The following GDAP1 variants were observed in gnomAD, a reference collection of about 807,000 sequenced individuals.
GDAP1 encodes the protein ganglioside-induced differentiation-associated protein 1.
Under a neutral mutation model 40.1 loss-of-function variants are expected in GDAP1, and 34 were observed. That is an observed-to-expected ratio of 0.85 (90% CI 0.64 to 1.13). GDAP1 has a LOEUF of 1.13. Ranked by LOEUF, GDAP1 falls within the 50% of genes most tolerant of loss-of-function variation. The pLI is 0.00. For synonymous variants in GDAP1, 170 were observed against 157.4 expected, an observed-to-expected ratio of 1.08 and a Z score of -0.60; for missense variants, 374 against 433.7, an observed-to-expected ratio of 0.86 and a Z score of 1.22.
rs187507178 is a variant in GDAP1 at position 74,430,383 on chromosome 8, T to C, written c.166-58295T>C. The stretch of plus-strand genomic sequence containing the variant: ...GGAGTAGCATAAGACTAGAACCAAC[T>C]CCAAATTCCCAGAGTAAGAAGCTAG... On this transcript the variant is annotated intron_variant, in intron 2 of 2. Transcript: ENST00000523640. Among the ~76,000 whole-genome samples the C allele has an allele frequency of 6.0e-4, 91 of 152,278 alleles. 1 individual carries two copies. The highest frequency in any genetic ancestry group is 1.7e-3 in the Admixed American group (26 of 15,300).
chr8:74,487,005 TCTC>T (rs1349439257), intron 2 of GDAP1, among the ~76,000 whole-genome samples: 5 of 152,182 alleles, frequency 3.3e-5, no homozygotes, highest in Non-Finnish European at 7.4e-5. Flanking sequence ...ACAAGTTACT[TCTC>T]CTCTCCAAGC....
intron 2 of GDAP1, among the ~76,000 whole-genome samples, chr8:74,430,179 A>G (rs1287440979): frequency 2.6e-5 from 4 of 152,340 alleles, no homozygotes; most frequent in Non-Finnish European, 5.9e-5. Context: ...AAGTGTGACA[A>G]TGTACTTAGT....
At position 74,351,509 on chromosome 8, in the gene GDAP1, C is replaced by T. The variant is rs1214253384; in HGVS notation, c.310+43C>T. The T allele has an allele frequency of 9.2e-6, 12 of 1,305,368 alleles. No homozygotes were observed. In the South Asian group the frequency reaches 9.4e-5, roughly 10 times the overall value. The allele number at this position is 1,305,368 out of a possible 1,614,324, so 80.9% of individuals were successfully genotyped here. On this transcript the variant is annotated intron_variant, in intron 2 of 5. Transcript: ENST00000220822. ...TGCGATTTCTTGGATTTACTTTCAA[C>T]ACAACTATGTGTTCCCTTTCTCTTT... is the stretch of plus-strand genomic sequence containing the variant.
chr8:74,454,534 G>T lies in GDAP1; in HGVS notation c.166-34144G>T, dbSNP rs2131577444. Among the ~76,000 whole-genome samples, 2 of 83,586 alleles carry T rather than the reference G, an allele frequency of 2.4e-5. 1 individual carries two copies. The highest frequency in any genetic ancestry group is 4.9e-5 in the Non-Finnish European group (2 of 41,040). 54.8% of individuals were successfully genotyped at this position (83,586 alleles called of 152,430 possible). A position where few individuals can be genotyped will look rare whatever the true frequency, so the allele number is the denominator to read the frequency against. On this transcript the variant is annotated intron_variant, in intron 2 of 2. Coordinates refer to the GDAP1 transcript ENST00000523640. ...GCATATGAAACTGACCTCAACCAAT[G>T]GTTGAAAGATGGGGGACAGGCTACT...
intron 2 of GDAP1, among the ~76,000 whole-genome samples, chr8:74,379,148 G>GTACT (rs1563451983): frequency 2.8e-4 from 43 of 151,978 alleles, no homozygotes; most frequent in African/African-American, 1.0e-3. Flanking sequence ...TTCAGGGTCC[G>GTACT]ACTCAGGCTT....
intron 2 of GDAP1, among the ~76,000 whole-genome samples, chr8:74,354,071 T>C (rs527787167): frequency 1.2e-4 from 19 of 152,332 alleles, no homozygotes; most frequent in Admixed American, 5.2e-4. Flanking sequence ...GGAGCAAATA[T>C]AGCTAGAAGA....
At chr8:74,350,910 A>G (rs911769573) in intron 1 of GDAP1, among the ~76,000 whole-genome samples, 1 of 152,142 alleles carries the variant, frequency 6.6e-6, no homozygotes, top group Non-Finnish European at 1.5e-5. Context: ...ATAATCTGCG[A>G]TCTCTTCTTT....
intron 2 of GDAP1, among the ~76,000 whole-genome samples, chr8:74,410,448 AAT>A (rs1805695497): frequency 6.7e-6 from 1 of 150,216 alleles, no homozygotes; most frequent in South Asian, 2.1e-4. Flanking sequence ...CATAATTAAA[AAT>A]AGTTATTTAC....
intron 2 of GDAP1, among the ~76,000 whole-genome samples, chr8:74,421,772 T>C (rs1374983765): frequency 6.6e-6 from 1 of 152,202 alleles, no homozygotes; most frequent in Non-Finnish European, 1.5e-5. Context: ...TAGGTCTGGC[T>C]GTGAGATACG....
intron 2 of GDAP1, among the ~76,000 whole-genome samples, chr8:74,382,247 T>A (rs1809965461): frequency 6.6e-6 from 1 of 152,156 alleles, no homozygotes; most frequent in African/African-American, 2.4e-5. Flanking sequence ...CTTCCTTGAT[T>A]TCTGGTATGT....
intron 2 of GDAP1, among the ~76,000 whole-genome samples, chr8:74,448,207 A>G (rs2131575711): frequency 6.6e-6 from 1 of 152,110 alleles, no homozygotes; most frequent in African/African-American, 2.4e-5. Context: ...TGTCATATGG[A>G]TTTGTTTTTC....
rs573103747 is a variant in GDAP1, at chr8:74,366,623, T to C, written c.*2256T>C. 1.5e-5 allele frequency: 7 copies of C among 453,926 alleles called. No homozygotes were observed. The highest frequency in any genetic ancestry group is 1.2e-4 in the African/African-American group (6 of 50,128). The allele number at this position is 453,926 out of a possible 1,614,324, so 28.1% of individuals were successfully genotyped here. A position where few individuals can be genotyped will look rare whatever the true frequency, so the allele number is the denominator to read the frequency against. ...TAAATATCACAATTAGAAAAATGCC[T>C]GAGGTACTAAAGTTATGTTGGCTTT... On this transcript the variant is annotated 3_prime_UTR_variant, in exon 6 of 6. Coordinates refer to ENST00000220822, the MANE Select transcript of GDAP1 (RefSeq NM_018972.4).
In GDAP1 at chr8:74,478,687, G is replaced by T. The variant is rs115551653; in HGVS notation, c.166-9991G>T. Among the ~76,000 whole-genome samples, 962 of 152,268 alleles carry T rather than the reference G, an allele frequency of 6.3e-3. 6 individuals carry two copies. The highest frequency in any genetic ancestry group is 0.022 in the African/African-American group (918 of 41,558). ...CCTAGGGGAATGGGTGTCCCTGGCTGTGCTCCACTGTAGCCACTCCCACAC... is the reference window on the plus strand; with the variant it reads ...CCTAGGGGAATGGGTGTCCCTGGCTTTGCTCCACTGTAGCCACTCCCACAC... On this transcript the variant is annotated intron_variant, in intron 2 of 2. Transcript: ENST00000523640.
downstream of GDAP1, among the ~76,000 whole-genome samples, chr8:74,369,764 A>G (rs1191527309): frequency 6.6e-6 from 1 of 151,906 alleles, no homozygotes; most frequent in Non-Finnish European, 1.5e-5. Flanking sequence ...ACGTAGGCAT[A>G]TCATTGTCAG....
At chr8:74,376,387 T>A (rs1164765727) in intron 2 of GDAP1, among the ~76,000 whole-genome samples, 1 of 150,736 alleles carries the variant, frequency 6.6e-6, no homozygotes, top group Non-Finnish European at 1.5e-5. Flanking sequence ...CTCACTCTGT[T>A]GCCCAGGCTG....
Position 74,351,321 on chromosome 8 carries a change from T to C in GDAP1, c.165T>C (p.Asp55=), listed in dbSNP as rs138538469. Residue 55 remains aspartate (D), a synonymous_variant, in exon 2 of 6, where the codon GAT becomes GAC. Transcript: ENST00000220822. Reference sequence around the variant, plus strand: ...AGGCATTGAAGTGCGAGGAACATGATGTAAGTCTGCCCTTGAGTGAGCACA... The same window carrying C: ...AGGCATTGAAGTGCGAGGAACATGACGTAAGTCTGCCCTTGAGTGAGCACA... The part of the protein sequence containing the change: ...AEKALKCEEH[D]VSLPLSEHNE... 2.5e-6 allele frequency: 4 copies of C among 1,614,106 alleles called. No individual in the cohort carries two copies. The African/African-American group carries it at 5.3e-5, about 22-fold the overall frequency.
intron 2 of GDAP1, among the ~76,000 whole-genome samples, chr8:74,392,310 A>G (rs1274339593): frequency 6.6e-6 from 1 of 152,232 alleles, no homozygotes; most frequent in Non-Finnish European, 1.5e-5. Flanking sequence ...AATATTCCAT[A>G]TCATCAAACA....
intron 2 of GDAP1, among the ~76,000 whole-genome samples, chr8:74,483,531 C>T (rs1403120057): frequency 6.6e-6 from 1 of 152,020 alleles, no homozygotes; most frequent in Non-Finnish European, 1.5e-5. Context: ...TTGGATAAGC[C>T]ATCTGTGCAT....
At chr8:74,437,112 A>T (rs1054925841) in intron 2 of GDAP1, among the ~76,000 whole-genome samples, 1 of 152,206 alleles carries the variant, frequency 6.6e-6, no homozygotes, top group Non-Finnish European at 1.5e-5. Flanking sequence ...TCATGGAATA[A>T]CATCCAAATT....
Sources: allele counts gnomAD v4.1 joint callset (sites outside exome capture counted in the v4.1 genomes callset), GRCh38; gene constraint gnomAD v4.1.1; transcripts MANE v1.5; gene names NCBI Gene and HGNC (gene_info 2026-07-23, HGNC 2026-07-21).